Variants in CFAP47 observed in about 807,000 individuals in gnomAD.
CFAP47 encodes cilia and flagella associated protein 47.
Under a neutral mutation model 148.1 loss-of-function variants are expected in CFAP47, and 29 were observed. The observed-to-expected ratio is 0.20, with a 90% CI of 0.15 to 0.27. The LOEUF (loss-of-function observed/expected upper bound fraction) is 0.27, where lower values mean the gene tolerates loss of function less well. CFAP47 is among the 10% of genes least tolerant of loss of function. The pLI, the probability that CFAP47 is intolerant of heterozygous loss-of-function variation, is 1.00. For synonymous variants in CFAP47, 664 were observed against 577.3 expected (o/e 1.15, Z -2.15); for missense variants, 1,872 against 1,697.5 (o/e 1.10, Z -1.81).
rs151105767 is a variant in CFAP47, at chrX:36,099,845, G to A, written c.5093G>A (p.Arg1698Gln). 343 of 981,315 alleles carry A rather than the reference G, an allele frequency of 3.5e-4. 3 individuals are homozygous for A. In the East Asian group the frequency reaches 8.1e-3, roughly 23 times the overall value. The allele number at this position is 981,315 out of a possible 1,213,427, so 80.9% of individuals were successfully genotyped here. The change falls in exon 32 of 64, where the codon CGG becomes CAG. Residue 1698 changes from arginine (R) to glutamine (Q), a missense_variant. By Grantham distance (43) the Arg-to-Gln change is conservative. Coordinates refer to ENST00000378653, the MANE Select transcript of CFAP47 (RefSeq NM_001304548.2). ...TCTAAATTTGAAGCCTGGAGTAAAC[G>A]GGCATGGACAGATGTATTTCTACAG... ...EMSKFEAWSKRAWTDVFLQIY... is the reference protein window; with the variant it reads ...EMSKFEAWSKQAWTDVFLQIY...
intron 49 of CFAP47, among the ~76,000 whole-genome samples, chrX:36,277,195 T>C (rs1941027708): frequency 8.9e-6 from 1 of 112,608 alleles, no homozygotes. Flanking sequence ...TAATAGCAGT[T>C]ATATTCCATG....
At chrX:36,142,123 A>T (rs16987376) in intron 35 of CFAP47, among the ~76,000 whole-genome samples, 11,833 of 111,782 alleles carry the variant, frequency 0.11, 1,220 homozygotes, top group African/African-American at 0.32. Context: ...TTGTAGGATT[A>T]TAGTATATCA....
In CFAP47 at chrX:36,208,822, C is replaced by A. The variant is rs1055079666; in HGVS notation, c.6817+3712C>A. On this transcript the variant is annotated intron_variant, in intron 45 of 63. Transcript: ENST00000378653. ...CTCTACTAAAAATACAAAAATTAGC[C>A]TGGCATGGTGGCGGGTGCCTGTAAT... Among the ~76,000 whole-genome samples, 11 of 110,086 alleles carry A rather than the reference C, an allele frequency of 1.0e-4. No individual in the cohort carries two copies. In the Admixed American group the frequency reaches 1.1e-3, roughly 11 times the overall value.
intron 30 of CFAP47, among the ~76,000 whole-genome samples, chrX:36,088,512 TTCTC>T (rs753374823): frequency 7.4e-5 from 8 of 108,540 alleles, no homozygotes; most frequent in African/African-American, 1.3e-4. Context: ...CTCTCTTCTC[TTCTC>T]TCTCTCTCTC....
intron 50 of CFAP47, among the ~76,000 whole-genome samples, chrX:36,281,250 A>C (rs1941076194): frequency 8.9e-6 from 1 of 112,490 alleles, no homozygotes; most frequent in Admixed American, 9.5e-5. Context: ...GAGACATTTT[A>C]AATGTTATAC....
chrX:36,269,181 T>A (rs2146936424), intron 49 of CFAP47, among the ~76,000 whole-genome samples: 1 of 111,875 alleles, frequency 8.9e-6, no homozygotes, highest in African/African-American at 3.2e-5. Context: ...AATGTAAAAA[T>A]AACTCATAGA....
At chrX:36,235,839 A>G (rs1940456641) in intron 46 of CFAP47, 95 bp from the exon 47 acceptor site, 1 of 375,303 alleles carries the variant, frequency 2.7e-6, no homozygotes, top group South Asian at 7.0e-5. Context: ...TAAAAATACA[A>G]TATATAATGC....
chrX:36,182,012 A>G (rs779313255), intron 40 of CFAP47, among the ~76,000 whole-genome samples: 1 of 112,365 alleles, frequency 8.9e-6, no homozygotes, highest in East Asian at 2.8e-4. Flanking sequence ...AGAAGTTACT[A>G]TGGCTCCTTC....
At chrX:36,203,766 C>A (rs1410141517) in intron 44 of CFAP47, among the ~76,000 whole-genome samples, 1 of 111,942 alleles carries the variant, frequency 8.9e-6, no homozygotes, top group Non-Finnish European at 1.9e-5. Context: ...TATTAAGTGT[C>A]CACTTTACGA....
At chrX:36,076,164 CTTTTCTTTT>C (rs1444921123) in intron 29 of CFAP47, among the ~76,000 whole-genome samples, 4 of 106,440 alleles carry the variant, frequency 3.8e-5, no homozygotes, top group Admixed American at 2.0e-4. Flanking sequence ...TAAACATTCA[CTTTTCTTTT>C]TTTTCTTTTT....
Position 36,207,415 on chromosome X carries a change from A to G in CFAP47, c.6817+2305A>G, listed in dbSNP as rs181050709. On this transcript the variant is annotated intron_variant, in intron 45 of 63. Coordinates refer to ENST00000378653, the MANE Select transcript of CFAP47 (RefSeq NM_001304548.2). ...ACTGCAGAAGACAGGTAGAAGTAGGACCATATTTATGATCACTTGAAGTTC... is the reference window on the plus strand; with the variant it reads ...ACTGCAGAAGACAGGTAGAAGTAGGGCCATATTTATGATCACTTGAAGTTC... Among the ~76,000 whole-genome samples, 952 of 110,793 alleles carry G rather than the reference A, an allele frequency of 8.6e-3. 9 individuals are homozygous for G. The highest frequency in any genetic ancestry group is 0.029 in the African/African-American group (885 of 30,512).
At chrX:36,220,304 TATTCCGAAATCTGAAAA>T (rs1555990639) in intron 45 of CFAP47, among the ~76,000 whole-genome samples, 2 of 111,328 alleles carry the variant, frequency 1.8e-5, no homozygotes. Flanking sequence ...CATATGCGTG[TATTCCGAAATCTGAAAA>T]ATTCTGAAAT....
chrX:36,053,582 C>T (rs1937531639), intron 26 of CFAP47, among the ~76,000 whole-genome samples: 1 of 111,506 alleles, frequency 9.0e-6, no homozygotes, highest in African/African-American at 3.3e-5. Context: ...ATCATCTGCT[C>T]TGTATTCTTT....
At chrX:35,927,536 T>C (rs1935761350) in intron 2 of CFAP47, among the ~76,000 whole-genome samples, 1 of 110,827 alleles carries the variant, frequency 9.0e-6, no homozygotes, top group African/African-American at 3.3e-5. Flanking sequence ...TTTCTCACCA[T>C]GGTTGCAATA....
chrX:36,345,233 A>G (rs1941687425), intron 57 of CFAP47, among the ~76,000 whole-genome samples: 1 of 111,626 alleles, frequency 9.0e-6, no homozygotes, highest in Admixed American at 9.6e-5. Flanking sequence ...AACAAAGTTG[A>G]AGATAATTGA....
intron 48 of CFAP47, among the ~76,000 whole-genome samples, chrX:36,245,905 A>T (rs137976013): frequency 1.8e-5 from 2 of 111,772 alleles, no homozygotes; most frequent in African/African-American, 6.5e-5. Context: ...TTCACTGTAT[A>T]CAAAAATTAA....
chrX:36,324,294 A>G (rs1941500754), intron 57 of CFAP47, among the ~76,000 whole-genome samples: 1 of 111,730 alleles, frequency 9.0e-6, no homozygotes, highest in Admixed American at 9.5e-5. Context: ...TAGCTGTAAC[A>G]TCGTACTGGG....
At chrX:36,192,631 C>A (rs1260623575) in intron 42 of CFAP47, among the ~76,000 whole-genome samples, 12 of 111,430 alleles carry the variant, frequency 1.1e-4, no homozygotes, top group African/African-American at 3.6e-4. Flanking sequence ...CCAGTTACAG[C>A]CATTTGCTGT....
At chrX:36,291,364 C>T (rs1042156324) in intron 51 of CFAP47, among the ~76,000 whole-genome samples, 1 of 111,727 alleles carries the variant, frequency 9.0e-6, no homozygotes, top group African/African-American at 3.3e-5. Context: ...AGGAATAAGT[C>T]AGGTAAGAAA....
Sources: gnomAD v4.1 joint callset for allele counts (sites outside exome capture counted in the v4.1 genomes callset) on GRCh38, gnomAD v4.1.1 for gene constraint, MANE v1.5 for transcripts, NCBI Gene and HGNC (gene_info 2026-07-23, HGNC 2026-07-21) for gene names.